Variants in POU6F2 observed in about 807,000 individuals in gnomAD.
POU6F2 encodes POU domain, class 6, transcription factor 2.
In POU6F2, 31 loss-of-function variants were observed where a neutral mutation model predicts 71.3. The ratio of observed to expected loss-of-function variants is 0.43; its 90% CI spans 0.33 to 0.59. The LOEUF (loss-of-function observed/expected upper bound fraction) is 0.59, where lower values mean the gene tolerates loss of function less well. Among genes scored for constraint, POU6F2 ranks in the 20% least tolerant of loss-of-function variants. The pLI, the probability that POU6F2 is intolerant of heterozygous loss-of-function variation, is 0.04. For synonymous variants in POU6F2, 347 were observed against 355.7 expected (o/e 0.98, Z 0.27); for missense variants, 783 against 856.8 (o/e 0.91, Z 1.07).
chr7:39,040,895 A>T (rs1790179268), intron 1 of POU6F2, among the ~76,000 whole-genome samples: 1 of 151,902 alleles, frequency 6.6e-6, no homozygotes, highest in Non-Finnish European at 1.5e-5. Flanking sequence ...AAACGCATAC[A>T]CTTTCGCATA....
intron 2 of POU6F2, among the ~76,000 whole-genome samples, chr7:39,148,521 ATGT>A (rs1214959608): frequency 6.6e-6 from 1 of 151,666 alleles, no homozygotes; most frequent in Non-Finnish European, 1.5e-5. Flanking sequence ...GATGATAATG[ATGT>A]TGATGATGAT....
intron 1 of POU6F2, among the ~76,000 whole-genome samples, chr7:39,016,760 G>T (rs1036142145): frequency 3.3e-5 from 5 of 152,034 alleles, no homozygotes; most frequent in African/African-American, 1.2e-4. Flanking sequence ...AGTTGTGTAG[G>T]TCAAGACGGC....
At chr7:39,370,757 T>C (rs924966751) in intron 5 of POU6F2, among the ~76,000 whole-genome samples, 3 of 152,194 alleles carry the variant, frequency 2.0e-5, no homozygotes, top group Non-Finnish European at 4.4e-5. Context: ...GATTGCCTCA[T>C]AGAACAGAAG....
At position 39,464,552 on chromosome 7, in the gene POU6F2, C is replaced by T. The variant is rs373556433; in HGVS notation, c.2029C>T (p.Arg677Ter). The T allele has an allele frequency of 3.7e-6, 6 of 1,612,930 alleles. No individual in the cohort carries two copies. Among genetic ancestry groups the T allele is most frequent in the Non-Finnish European group, 5.1e-6 (6 of 1,179,486 alleles). ...AATTGCTGAGAAGCTGAACTATGAC[C>T]GAGAAGTAGTTAGAGTTTGGTTCTG... is the stretch of plus-strand genomic sequence containing the variant. Reference protein sequence around the residue: ...TEIAEKLNYDREVVRVWFCNK... With the variant: ...TEIAEKLNYD The change falls in exon 10 of 10, where the codon CGA (arginine) becomes TGA (stop). Residue 677 changes from arginine (R) to a stop codon, truncating the protein, a stop_gained. Coordinates refer to ENST00000518318, the MANE Select transcript of POU6F2 (RefSeq NM_001370959.1). LOFTEE classifies it high-confidence loss of function. The surrounding 1 kb of genome is among the most constrained non-coding windows in gnomAD (Gnocchi z 4.1).
At chr7:38,983,812 C>G (rs563616761) in intron 1 of POU6F2, among the ~76,000 whole-genome samples, 4 of 152,074 alleles carry the variant, frequency 2.6e-5, no homozygotes, top group Admixed American at 1.3e-4. Context: ...AAACGTAAAA[C>G]CATTGTATGT....
intron 1 of POU6F2, among the ~76,000 whole-genome samples, chr7:39,026,427 A>G (rs6462885): frequency 6.6e-6 from 1 of 151,812 alleles, no homozygotes; most frequent in Non-Finnish European, 1.5e-5. Flanking sequence ...GCCATAAAAA[A>G]TGATGAGTTC....
In POU6F2 at chr7:39,421,728, C is replaced by A. The variant is rs542941311; in HGVS notation, c.1114-11349C>A. ...TGTTTGTTTGCTACCACTGCTGTAG[C>A]TCTTTTTTTTCTCATTTGGGAAGAA... is the stretch of plus-strand genomic sequence containing the variant. On this transcript the variant is annotated intron_variant, in intron 6 of 9. Coordinates refer to ENST00000518318, the MANE Select transcript of POU6F2 (RefSeq NM_001370959.1). Among the ~76,000 whole-genome samples, 6 of 152,198 alleles carry A rather than the reference C, an allele frequency of 3.9e-5. No homozygotes were observed. In the South Asian group the frequency reaches 1.0e-3, roughly 26 times the overall value.
Position 39,453,229 on chromosome 7 carries a change from C to A in POU6F2, c.1489+1528C>A, listed in dbSNP as rs74384358. Among the ~76,000 whole-genome samples the A allele has an allele frequency of 1.4e-3, 218 of 152,144 alleles. 3 individuals are homozygous for A. Among genetic ancestry groups the A allele is most frequent in the Admixed American group, 9.0e-3 (137 of 15,290 alleles). ...ATTTTAGGTTGTTTAGATATACAACCCTCTCCAGAAACTCTAGTCTGACTT... is the reference window on the plus strand; with the variant it reads ...ATTTTAGGTTGTTTAGATATACAACACTCTCCAGAAACTCTAGTCTGACTT... On this transcript the variant is annotated intron_variant, in intron 8 of 9. Transcript: ENST00000518318.
intron 4 of POU6F2, among the ~76,000 whole-genome samples, chr7:39,228,449 G>T (rs948256731): frequency 6.6e-5 from 10 of 152,112 alleles, no homozygotes; most frequent in Admixed American, 6.5e-5. Flanking sequence ...TGTAGCTGTG[G>T]GTGCTGATGT....
chr7:39,019,995 A>T (rs1562673223), intron 1 of POU6F2, among the ~76,000 whole-genome samples: 2 of 152,248 alleles, frequency 1.3e-5, no homozygotes, highest in Non-Finnish European at 2.9e-5. Flanking sequence ...AAGAAGTAAG[A>T]TAATTATTAA....
At chr7:39,206,946 A>T (rs982195033) in intron 3 of POU6F2, among the ~76,000 whole-genome samples, 5 of 152,228 alleles carry the variant, frequency 3.3e-5, no homozygotes, top group Non-Finnish European at 7.3e-5. Flanking sequence ...ACTTTCCAGC[A>T]TTGAGTAAAT....
chr7:39,255,896 T>G (rs2128753524), intron 4 of POU6F2, among the ~76,000 whole-genome samples: 1 of 152,336 alleles, frequency 6.6e-6, no homozygotes, highest in African/African-American at 2.4e-5. Context: ...CAACTGTATC[T>G]TCTGCTTTTC....
chr7:39,026,012 C>A (rs1462002165), intron 1 of POU6F2, among the ~76,000 whole-genome samples: 1 of 152,212 alleles, frequency 6.6e-6, no homozygotes, highest in African/African-American at 2.4e-5. Context: ...CTCATCATCA[C>A]TGGCCATCAG....
At chr7:39,187,230 C>T (rs982038996) in intron 2 of POU6F2, among the ~76,000 whole-genome samples, 1 of 152,184 alleles carries the variant, frequency 6.6e-6, no homozygotes, top group Non-Finnish European at 1.5e-5. Flanking sequence ...TGGAGACAGG[C>T]AATCCGCCCT....
intron 4 of POU6F2, among the ~76,000 whole-genome samples, chr7:39,260,740 AAC>A (rs889285929): frequency 6.6e-6 from 1 of 151,372 alleles, no homozygotes; most frequent in Non-Finnish European, 1.5e-5. Flanking sequence ...ACCTGCACAC[AAC>A]ACACAGACAC....
At chr7:39,425,514 T>C (rs771662859) in intron 6 of POU6F2, among the ~76,000 whole-genome samples, 2 of 152,174 alleles carry the variant, frequency 1.3e-5, no homozygotes, top group South Asian at 4.1e-4. Flanking sequence ...AAGTTTAAGG[T>C]TTCAAAATCT....
At chr7:39,337,092 G>A (rs1201683218) in intron 4 of POU6F2, among the ~76,000 whole-genome samples, 6 of 152,100 alleles carry the variant, frequency 3.9e-5, no homozygotes, top group Non-Finnish European at 2.9e-5. Context: ...GATTCAATAT[G>A]AGAAATTGTT....
chr7:39,095,075 A>G (rs559788018), intron 2 of POU6F2, among the ~76,000 whole-genome samples: 8 of 152,280 alleles, frequency 5.3e-5, no homozygotes, highest in African/African-American at 1.7e-4. Context: ...AAATCCATAC[A>G]CTATTCTATA....
intron 5 of POU6F2, among the ~76,000 whole-genome samples, chr7:39,393,954 A>G (rs925312779): frequency 2.0e-5 from 3 of 152,238 alleles, no homozygotes; most frequent in African/African-American, 7.2e-5. Context: ...GGACTTAAGA[A>G]AAGTTTCTTG....
Sources: allele counts gnomAD v4.1 joint callset (sites outside exome capture counted in the v4.1 genomes callset), GRCh38; gene constraint gnomAD v4.1.1; non-coding constraint Gnocchi (gnomAD v3.1); transcripts MANE v1.5; gene names NCBI Gene and HGNC (gene_info 2026-07-23, HGNC 2026-07-21).